SEPTIN9: variants seen among roughly 807,000 people sequenced by gnomAD.
SEPTIN9 encodes septin 9.
SEPTIN9 carries 13 observed loss-of-function variants against 56.6 expected under a neutral mutation model. The ratio of observed to expected loss-of-function variants is 0.23; its 90% CI spans 0.15 to 0.37. The LOEUF (loss-of-function observed/expected upper bound fraction) is 0.37. Among genes scored for constraint, SEPTIN9 ranks in the 10% least tolerant of loss-of-function variants. The pLI is 1.00. For synonymous variants in SEPTIN9, 332 were observed against 334.1 expected, an observed-to-expected ratio of 0.99 and a Z score of 0.07; for missense variants, 650 against 823.1, an observed-to-expected ratio of 0.79 and a Z score of 2.57.
intron 2 of SEPTIN9, among the ~76,000 whole-genome samples, chr17:77,372,266 C>T (rs1011623859): frequency 4.6e-5 from 7 of 152,136 alleles, no homozygotes; most frequent in Admixed American, 3.3e-4. Context: ...GTGGAAGAAG[C>T]GCCTCTCTCT....
chr17:77,301,026 T>C (rs1598486003), intron 1 of SEPTIN9, among the ~76,000 whole-genome samples: 3 of 52,386 alleles, frequency 5.7e-5, no homozygotes, highest in Admixed American at 2.8e-4. Flanking sequence ...CCACCCCAGC[T>C]CAAACCGCCC....
chr17:77,334,380 C>T (rs2033465174), intron 2 of SEPTIN9, among the ~76,000 whole-genome samples: 1 of 146,630 alleles, frequency 6.8e-6, no homozygotes, highest in Admixed American at 6.9e-5. Context: ...CGAGATTGCA[C>T]CACTGCACTC....
intron 2 of SEPTIN9, among the ~76,000 whole-genome samples, chr17:77,311,597 G>C (rs755916414): frequency 9.9e-5 from 15 of 152,170 alleles, no homozygotes; most frequent in Non-Finnish European, 1.8e-4. Context: ...TGGTGAATCA[G>C]AGCCAAACTC....
At position 77,475,372 on chromosome 17, in the gene SEPTIN9, C is replaced by T; in HGVS notation, c.722-6772C>T. Reference sequence around the variant, plus strand: ...GGGATCTGAAGGACTTTGCAGGCACCCAGGGAGATAGGAGAGGAGGAGGGA... The same window carrying T: ...GGGATCTGAAGGACTTTGCAGGCACTCAGGGAGATAGGAGAGGAGGAGGGA... On this transcript the variant is annotated intron_variant, in intron 3 of 11. Transcript: ENST00000427177. The surrounding 1 kb of genome is among the most constrained non-coding windows in gnomAD (Gnocchi z 4.6). 1 of 1,440,098 alleles carries T rather than the reference C, an allele frequency of 6.9e-7. No homozygotes were observed. The highest frequency in any genetic ancestry group is 9.1e-7 in the Non-Finnish European group (1 of 1,103,068). 89.2% of individuals were successfully genotyped at this position (1,440,098 alleles called of 1,614,324 possible). A position where few individuals can be genotyped will look rare whatever the true frequency, so the allele number is the denominator to read the frequency against.
rs1167779503 is a variant in SEPTIN9, at chr17:77,343,037, C to CTATCTA, written c.76+35841_76+35846dup. 5.2e-3 allele frequency among the ~76,000 whole-genome samples: 731 copies of CTATCTA among 141,530 alleles called. 4 individuals are homozygous for CTATCTA. Among genetic ancestry groups the CTATCTA allele is most frequent in the African/African-American group, 0.019 (683 of 35,562 alleles). The allele number at this position is 141,530 out of a possible 152,430, so 92.8% of individuals were successfully genotyped here. On this transcript the variant is annotated intron_variant, in intron 2 of 11. Coordinates refer to ENST00000427177, the MANE Select transcript of SEPTIN9 (RefSeq NM_001113491.2). ...TCTATCTATCTATCTATCTATCTAT[C>CTATCTA]TATCTAGTCTCTGTCCCCCAACTTT...
intron 2 of SEPTIN9, among the ~76,000 whole-genome samples, chr17:77,356,216 C>G (rs2143827527): frequency 6.6e-6 from 1 of 152,286 alleles, no homozygotes; most frequent in Non-Finnish European, 1.5e-5. Flanking sequence ...CAGACACTGC[C>G]TGGTGCCCAG....
chr17:77,320,202 T>A, intron 2 of SEPTIN9: 2 of 1,595,638 alleles, frequency 1.3e-6, no homozygotes, highest in Non-Finnish European at 1.7e-6. Context: ...AGACAAAGAG[T>A]GTTTTTAGAG....
chr17:77,468,145 A>G (rs989741689), intron 3 of SEPTIN9, among the ~76,000 whole-genome samples: 3 of 152,124 alleles, frequency 2.0e-5, no homozygotes, highest in Admixed American at 6.6e-5. Flanking sequence ...GGCGCCTGTA[A>G]TCCCAGCTAC....
Position 77,475,107 on chromosome 17 carries a change from T to C in SEPTIN9, c.722-7037T>C. 2 of 483,164 alleles carry C rather than the reference T, an allele frequency of 4.1e-6. No homozygotes were observed. Among genetic ancestry groups the C allele is most frequent in the Non-Finnish European group, 5.7e-6 (2 of 347,888 alleles). The allele number at this position is 483,164 out of a possible 1,614,324, so 29.9% of individuals were successfully genotyped here. ...TTTGTTCATTCATTCACCAGACTTT[T>C]TGCCGGGGCTTGCCGTGAGCCCTAC... is the stretch of plus-strand genomic sequence containing the variant. On this transcript the variant is annotated intron_variant, in intron 3 of 11. Coordinates refer to ENST00000427177, the MANE Select transcript of SEPTIN9 (RefSeq NM_001113491.2). This position sits in a 1 kb window ranked among gnomAD's most constrained non-coding sequence, Gnocchi z 4.6.
intron 2 of SEPTIN9, among the ~76,000 whole-genome samples, chr17:77,390,239 C>T (rs1479921871): frequency 2.0e-5 from 3 of 148,678 alleles, no homozygotes; most frequent in African/African-American, 5.0e-5. Context: ...CCCAGCTACT[C>T]GGGAGGCGGA....
intron 2 of SEPTIN9, among the ~76,000 whole-genome samples, chr17:77,365,527 C>G (rs748941024): frequency 1.9e-4 from 29 of 152,074 alleles, no homozygotes; most frequent in Non-Finnish European, 4.1e-4. Flanking sequence ...CTCCCTGTAA[C>G]TGGAGGTGTT....
At chr17:77,281,768 C>T in intron 1 of SEPTIN9, 1 of 512,508 alleles carries the variant, frequency 2.0e-6, no homozygotes, top group Non-Finnish European at 3.4e-6. Flanking sequence ...AGCCCTTGCT[C>T]GAGTGTCGGA....
Position 77,498,541 on chromosome 17 carries a change from C to T in SEPTIN9, c.1644C>T (p.Ile548=). 7.7e-7 allele frequency: 1 copy of T among 1,302,402 alleles called. No homozygotes were observed. The highest frequency in any genetic ancestry group is 1.0e-6 in the Non-Finnish European group (1 of 954,624). 80.7% of individuals were successfully genotyped at this position (1,302,402 alleles called of 1,614,324 possible). A position where few individuals can be genotyped will look rare whatever the true frequency, so the allele number is the denominator to read the frequency against. ...DLLIRTHMQN[I]KDITSSIHFE... Reference sequence around the variant, plus strand: ...CCCACAGGACGCACATGCAGAACATCAAGGACATCACCAGCAGCATCCACT... The same window carrying T: ...CCCACAGGACGCACATGCAGAACATTAAGGACATCACCAGCAGCATCCACT... The change falls in exon 12 of 12, where the codon ATC becomes ATT. Residue 548 remains isoleucine (I), a synonymous_variant. Coordinates refer to ENST00000427177, the MANE Select transcript of SEPTIN9 (RefSeq NM_001113491.2).
intron 1 of SEPTIN9, among the ~76,000 whole-genome samples, chr17:77,298,335 T>A (rs1318339205): frequency 6.6e-6 from 1 of 152,166 alleles, no homozygotes; most frequent in African/African-American, 2.4e-5. Context: ...GATAACCAGG[T>A]CAATGTAGTG....
intron 2 of SEPTIN9, among the ~76,000 whole-genome samples, chr17:77,311,197 C>T (rs567459730): frequency 2.0e-5 from 3 of 151,552 alleles, no homozygotes; most frequent in South Asian, 4.2e-4. Flanking sequence ...GGCCAGGGAG[C>T]GTCTGGGAAG....
chr17:77,352,912 A>G (rs1194902556), intron 2 of SEPTIN9, among the ~76,000 whole-genome samples: 1 of 152,088 alleles, frequency 6.6e-6, no homozygotes, highest in African/African-American at 2.4e-5. Context: ...GCCTCCCAAA[A>G]CACTGGGATT....
chr17:77,380,888 T>C (rs546414976), intron 2 of SEPTIN9, among the ~76,000 whole-genome samples: 1 of 152,330 alleles, frequency 6.6e-6, no homozygotes, highest in African/African-American at 2.4e-5. Flanking sequence ...ATGTAGACTC[T>C]GAATGGGCAG....
At chr17:77,299,719 G>A (rs765569410) in intron 1 of SEPTIN9, among the ~76,000 whole-genome samples, 12 of 152,240 alleles carry the variant, frequency 7.9e-5, no homozygotes, top group Non-Finnish European at 1.8e-4. Flanking sequence ...GGCTGGCACT[G>A]ATGCCCTGTG....
intron 4 of SEPTIN9, among the ~76,000 whole-genome samples, chr17:77,484,501 T>G (rs1194698670): frequency 1.1e-3 from 66 of 59,536 alleles, no homozygotes; most frequent in East Asian, 1.6e-3. Context: ...TGATGGTGAT[T>G]GTGGTGATGG....
Sources: gnomAD v4.1 joint callset for allele counts (sites outside exome capture counted in the v4.1 genomes callset) on GRCh38, gnomAD v4.1.1 for gene constraint, Gnocchi (gnomAD v3.1) non-coding constraint, MANE v1.5 for transcripts, NCBI Gene and HGNC (gene_info 2026-07-23, HGNC 2026-07-21) for gene names.